The following LRTM3 variants were observed in gnomAD, a reference collection of about 807,000 sequenced individuals.
The protein encoded by LRTM3 is leucine-rich repeat transmembrane protein 3.
the LRTM3 span, chr13:102,746,885 G>T: frequency 6.4e-7 from 1 of 1,551,140 alleles, no homozygotes; most frequent in Non-Finnish European, 8.7e-7. Flanking sequence ...TTTGCAGTCT[G>T]TTTGTGTTTT....
the LRTM3 span, chr13:102,734,028 G>T: frequency 1.3e-6 from 2 of 1,551,394 alleles, no homozygotes; most frequent in Non-Finnish European, 1.7e-6. Flanking sequence ...GGTGCTGACG[G>T]TATAGAAAGA....
the LRTM3 span, chr13:102,740,888 A>G: frequency 6.5e-7 from 1 of 1,550,010 alleles, no homozygotes; most frequent in South Asian, 1.2e-5. Context: ...AGAGTGAGAA[A>G]CAGATGCTGG....
the LRTM3 span, chr13:102,734,881 C>A: frequency 1.0e-5 from 16 of 1,551,086 alleles, no homozygotes; most frequent in South Asian, 8.3e-5. Flanking sequence ...GCACGTCATC[C>A]TCTTCCTTGT....
the LRTM3 span, chr13:102,737,962 T>A: frequency 8.4e-6 from 13 of 1,551,170 alleles, no homozygotes; most frequent in East Asian, 9.8e-5. Flanking sequence ...CTCCATCTGC[T>A]TTCTGTTGCT....
the LRTM3 span, chr13:102,729,707 T>C: frequency 2.1e-5 from 33 of 1,551,964 alleles, no homozygotes; most frequent in Non-Finnish European, 2.9e-5. Flanking sequence ...ATGATGAGGT[T>C]TTGATGCTGA....
At chr13:102,745,775 G>GCTTCCCCAGACTTTAGAGGTGAAAAC in the LRTM3 span, 2 of 1,550,996 alleles carry the variant, frequency 1.3e-6, no homozygotes, top group Non-Finnish European at 1.7e-6. Context: ...ATCAACCTTT[G>GCTTCCCCAGACTTTAGAGGTGAAAAC]CTTCCCCAGA....
the LRTM3 span, chr13:102,739,286 T>A: frequency 6.5e-7 from 1 of 1,549,792 alleles, no homozygotes. Context: ...GCCCATTACA[T>A]CTTTCACATC....
At chr13:102,740,972 G>A in the LRTM3 span, 1 of 1,549,978 alleles carries the variant, frequency 6.5e-7, no homozygotes, top group Non-Finnish European at 8.7e-7. Context: ...TTCTGAACAT[G>A]GAGGTTGATC....
the LRTM3 span, chr13:102,731,933 A>T: frequency 6.4e-7 from 1 of 1,550,518 alleles, no homozygotes; most frequent in African/African-American, 1.4e-5. Flanking sequence ...TTTTTTAATG[A>T]TCCTTGAGAC....
chr13:102,758,912 G>A, the LRTM3 span: 1 of 1,533,344 alleles, frequency 6.5e-7, no homozygotes. Flanking sequence ...CTTTTTTAAA[G>A]GAATAATATT....
chr13:102,758,575 G>A, the LRTM3 span: 153 of 1,545,584 alleles, frequency 9.9e-5, no homozygotes, highest in African/African-American at 6.6e-4. Context: ...ACTGTCTTCC[G>A]TCTATTTTAA....
chr13:102,747,605 A>G, the LRTM3 span: 1 of 1,551,052 alleles, frequency 6.4e-7, no homozygotes, highest in Admixed American at 2.0e-5. Context: ...TGTCTTTTGG[A>G]GGTTTCCACC....
chr13:102,744,651 C>G, the LRTM3 span: 1 of 1,550,852 alleles, frequency 6.4e-7, no homozygotes, highest in East Asian at 2.4e-5. Context: ...TTGCAAGGGT[C>G]AGGATCTTTC....
chr13:102,733,939 A>G, the LRTM3 span: 1 of 1,551,130 alleles, frequency 6.4e-7, no homozygotes, highest in African/African-American at 1.4e-5. Flanking sequence ...GTACATGGAG[A>G]GTTCGCTGTG....
At chr13:102,738,767 GA>G in the LRTM3 span, 1 of 1,550,502 alleles carries the variant, frequency 6.4e-7, no homozygotes, top group South Asian at 1.2e-5. Flanking sequence ...AGGTAGAAAA[GA>G]GATGGAAGCA....
At chr13:102,736,605 CA>C in the LRTM3 span, 2 of 1,551,042 alleles carry the variant, frequency 1.3e-6, no homozygotes, top group Non-Finnish European at 1.7e-6. Flanking sequence ...GAAGAAGTGA[CA>C]AAAGGACAAG....
At chr13:102,746,149 G>A in the LRTM3 span, 1 of 1,551,078 alleles carries the variant, frequency 6.4e-7, no homozygotes, top group East Asian at 2.4e-5. Context: ...AACCTGTTTG[G>A]TGCTGCAAAC....
the LRTM3 span, chr13:102,738,878 A>G: frequency 6.4e-7 from 1 of 1,550,558 alleles, no homozygotes; most frequent in South Asian, 1.2e-5. Flanking sequence ...AGGCTGCTTC[A>G]CCTCCAAAGC....
chr13:102,755,950 T>TAG, the LRTM3 span, among the ~76,000 whole-genome samples: 1 of 53,166 alleles, frequency 1.9e-5, no homozygotes, highest in Non-Finnish European at 4.5e-5. Flanking sequence ...TACATATATA[T>TAG]ATATATATAT....
Sources: allele counts gnomAD v4.1 joint callset (sites outside exome capture counted in the v4.1 genomes callset), GRCh38; gene constraint gnomAD v4.1.1; transcripts MANE v1.5; gene names NCBI Gene and HGNC (gene_info 2026-07-23, HGNC 2026-07-21).